B3GALT1: variants seen among roughly 807,000 people sequenced by gnomAD.
B3GALT1 encodes UDP-Gal:betaGlcNAc beta 1,3-galactosyltransferase, polypeptide 1.
Under a neutral mutation model 23.2 loss-of-function variants are expected in B3GALT1, and 10 were observed. That is an observed-to-expected ratio of 0.43 (90% CI 0.27 to 0.73). The LOEUF is 0.73. Among genes scored for constraint, B3GALT1 ranks in the 30% least tolerant of loss-of-function variants. B3GALT1 has a pLI of 0.21. For synonymous variants in B3GALT1, 156 were observed against 141.5 expected (o/e 1.10, Z -0.73); for missense variants, 299 against 405.4 (o/e 0.74, Z 2.25).
chr2:167,806,854 CT>C (rs1183864219), intron 3 of B3GALT1, among the ~76,000 whole-genome samples: 1 of 152,180 alleles, frequency 6.6e-6, no homozygotes, highest in Non-Finnish European at 1.5e-5. Flanking sequence ...AGGATTCCCT[CT>C]TTTTCTATTG....
rs1296407276 is a variant in B3GALT1, at chr2:167,531,735, A to G, written c.-410+41458A>G. 7.2e-5 allele frequency among the ~76,000 whole-genome samples: 11 copies of G among 152,308 alleles called. No individual in the cohort carries two copies. In the South Asian group the frequency reaches 1.9e-3, roughly 26 times the overall value. ...CTGAGAGTCGTGTTAACTATACTCT[A>G]TAATTATGTATTATAACTTTTAACT... On this transcript the variant is annotated intron_variant, in intron 2 of 4. Coordinates refer to ENST00000392690, the MANE Select transcript of B3GALT1 (RefSeq NM_020981.4).
intron 3 of B3GALT1, among the ~76,000 whole-genome samples, chr2:167,777,104 G>A (rs1452422289): frequency 6.6e-6 from 1 of 152,080 alleles, no homozygotes; most frequent in East Asian, 1.9e-4. Flanking sequence ...ATTTTTCTAA[G>A]TATCAGGCAT....
chr2:167,451,947 C>T (rs971611507), intron 1 of B3GALT1, among the ~76,000 whole-genome samples: 2 of 151,960 alleles, frequency 1.3e-5, no homozygotes, highest in Admixed American at 6.6e-5. Flanking sequence ...CTGTGTCGTG[C>T]AGGCTGCCAG....
At chr2:167,692,169 G>A (rs769764519) in intron 3 of B3GALT1, among the ~76,000 whole-genome samples, 7 of 152,180 alleles carry the variant, frequency 4.6e-5, no homozygotes, top group Non-Finnish European at 8.8e-5. Flanking sequence ...CTCACACCTC[G>A]TCCTTGATCC....
chr2:167,641,185 A>G (rs993602234), intron 2 of B3GALT1, among the ~76,000 whole-genome samples: 3 of 152,224 alleles, frequency 2.0e-5, no homozygotes, highest in African/African-American at 7.2e-5. Flanking sequence ...AATTACAATT[A>G]TCAGCACTAT....
intron 2 of B3GALT1, among the ~76,000 whole-genome samples, chr2:167,530,829 C>T (rs1044246107): frequency 1.3e-5 from 2 of 151,974 alleles, no homozygotes; most frequent in African/African-American, 4.8e-5. Flanking sequence ...TTAATCACAC[C>T]AGTTTAAGCT....
chr2:167,704,967 G>A (rs1686946328), intron 3 of B3GALT1, among the ~76,000 whole-genome samples: 1 of 152,108 alleles, frequency 6.6e-6, no homozygotes, highest in African/African-American at 2.4e-5. Context: ...GGATAGGTGT[G>A]ATAAATTGAG....
At chr2:167,322,766 T>G (rs1018162771) in intron 1 of B3GALT1, among the ~76,000 whole-genome samples, 8 of 152,050 alleles carry the variant, frequency 5.3e-5, no homozygotes, top group Non-Finnish European at 1.2e-4. Context: ...TCTAGAACTG[T>G]GAAGACCTCT....
rs13386288 is a variant in B3GALT1, at chr2:167,354,460, C to T, written c.-511+61126C>T. Among the ~76,000 whole-genome samples, 389 of 151,698 alleles carry T rather than the reference C, an allele frequency of 2.6e-3. 3 individuals carry two copies. Among genetic ancestry groups the T allele is most frequent in the South Asian group, 0.013 (64 of 4,808 alleles). ...CTCCTGGGTTCAAGCGATTCTCCTG[C>T]CTCAGCCTCCTGAGTAGCTAGGACT... On this transcript the variant is annotated intron_variant, in intron 1 of 4. Coordinates refer to ENST00000392690, the MANE Select transcript of B3GALT1 (RefSeq NM_020981.4).
At chr2:167,714,273 A>G (rs896390042) in intron 3 of B3GALT1, 4 of 1,499,912 alleles carry the variant, frequency 2.7e-6, no homozygotes, top group Non-Finnish European at 3.7e-6. Context: ...TCCTGTTCCC[A>G]TGGAGATGAG....
chr2:167,583,685 T>A (rs1029719670), intron 2 of B3GALT1, among the ~76,000 whole-genome samples: 1 of 150,440 alleles, frequency 6.6e-6, no homozygotes, highest in Non-Finnish European at 1.5e-5. Flanking sequence ...ATCATACATA[T>A]ATACTCGATT....
chr2:167,447,932 G>C (rs1011653082), intron 1 of B3GALT1, among the ~76,000 whole-genome samples: 1 of 152,076 alleles, frequency 6.6e-6, no homozygotes, highest in Non-Finnish European at 1.5e-5. Flanking sequence ...CCCATCTTCT[G>C]CGTCGCTCAT....
In B3GALT1 at chr2:167,652,488, G is replaced by T. The variant is rs768254177; in HGVS notation, c.-352+5522G>T. ...TAAAGTAGACATTCAATAAATAGCA[G>T]CTACTTTTATTCTGAAGTATGTGTT... On this transcript the variant is annotated intron_variant, in intron 3 of 4. Coordinates refer to ENST00000392690, the MANE Select transcript of B3GALT1 (RefSeq NM_020981.4). 8.3e-4 allele frequency among the ~76,000 whole-genome samples: 127 copies of T among 152,142 alleles called. 4 individuals are homozygous for T. The highest frequency in any genetic ancestry group is 2.1e-4 in the Non-Finnish European group (14 of 68,022).
At chr2:167,742,379 A>T (rs754338526) in intron 3 of B3GALT1, among the ~76,000 whole-genome samples, 2 of 152,230 alleles carry the variant, frequency 1.3e-5, no homozygotes. Context: ...GCAAAAGAGC[A>T]TATCTGGTTC....
At chr2:167,391,105 T>C (rs1698010351) in intron 1 of B3GALT1, among the ~76,000 whole-genome samples, 1 of 152,236 alleles carries the variant, frequency 6.6e-6, no homozygotes, top group South Asian at 2.1e-4. Flanking sequence ...TCTAGTTTGC[T>C]GGATTCCCAC....
chr2:167,384,537 A>C (rs1490619172), intron 1 of B3GALT1, among the ~76,000 whole-genome samples: 3 of 152,098 alleles, frequency 2.0e-5, no homozygotes, highest in Non-Finnish European at 4.4e-5. Flanking sequence ...ACTTGGCAGA[A>C]ACCATTATCC....
chr2:167,539,808 C>T (rs1007449498), intron 2 of B3GALT1, among the ~76,000 whole-genome samples: 2 of 151,744 alleles, frequency 1.3e-5, no homozygotes, highest in African/African-American at 4.8e-5. Flanking sequence ...TAGGAAATAA[C>T]AAGATATAAT....
chr2:167,793,521 TCTA>T (rs1688482515), intron 3 of B3GALT1, among the ~76,000 whole-genome samples: 1 of 151,984 alleles, frequency 6.6e-6, no homozygotes, highest in Admixed American at 6.6e-5. Context: ...ATTAACCTGG[TCTA>T]CTGCTGGGAA....
At chr2:167,616,556 G>A (rs527426581) in intron 2 of B3GALT1, among the ~76,000 whole-genome samples, 13 of 151,922 alleles carry the variant, frequency 8.6e-5, no homozygotes, top group Non-Finnish European at 1.6e-4. Flanking sequence ...ACAAAAATTA[G>A]CTGGGTGTGG....
Sources: allele counts gnomAD v4.1 joint callset (sites outside exome capture counted in the v4.1 genomes callset), GRCh38; gene constraint gnomAD v4.1.1; transcripts MANE v1.5; gene names NCBI Gene and HGNC (gene_info 2026-07-23, HGNC 2026-07-21).